Variants in EYS observed in about 807,000 individuals in gnomAD.
EYS encodes EGF-like photoreceptor maintenance factor.
EYS carries 250 observed loss-of-function variants against 282.1 expected under a neutral mutation model. The ratio of observed to expected loss-of-function variants is 0.89; its 90% CI spans 0.80 to 0.98. The LOEUF is 0.98. EYS is among the 50% of genes least tolerant of loss of function. EYS has a pLI of 0.00. For missense variants in EYS, 4,016 were observed against 3,709.0 expected (o/e 1.08, Z -2.15); for synonymous variants, 1,355 against 1,282.9 (o/e 1.06, Z -1.20).
chr6:63,729,225 C>T (rs1383511685), intron 41 of EYS, among the ~76,000 whole-genome samples: 1 of 152,094 alleles, frequency 6.6e-6, no homozygotes, highest in African/African-American at 2.4e-5. Flanking sequence ...TAGCAGTTCT[C>T]TATCAGATAT....
Position 65,369,286 on chromosome 6 carries a change from T to A in EYS, c.1299+15100A>T, listed in dbSNP as rs1211138212. ...GTGTGTATATATATATTTATATATA[T>A]TATATATATATTTATGTATAATATA... is the stretch of plus-strand genomic sequence containing the variant. On this transcript the variant is annotated intron_variant, in intron 8 of 42. Transcript: ENST00000503581. Among the ~76,000 whole-genome samples the A allele has an allele frequency of 2.9e-3, 395 of 134,396 alleles. 4 individuals carry two copies. Among genetic ancestry groups the A allele is most frequent in the African/African-American group, 9.2e-3 (354 of 38,302 alleles). The allele number at this position is 134,396 out of a possible 152,430, so 88.2% of individuals were successfully genotyped here. A position where few individuals can be genotyped will look rare whatever the true frequency, so the allele number is the denominator to read the frequency against.
intron 29 of EYS, among the ~76,000 whole-genome samples, chr6:64,383,768 A>T (rs1333321008): frequency 6.6e-6 from 1 of 152,194 alleles, no homozygotes; most frequent in Non-Finnish European, 1.5e-5. Flanking sequence ...TAATTTACAA[A>T]ACCCAAAAGT....
intron 13 of EYS, among the ~76,000 whole-genome samples, chr6:65,012,891 A>AAT (rs1354397987): frequency 6.6e-6 from 1 of 150,952 alleles, no homozygotes; most frequent in African/African-American, 2.4e-5. Context: ...AAAATCTATC[A>AAT]AGTGGCTACT....
At chr6:65,510,519 CTT>C (rs1359061597) in intron 2 of EYS, among the ~76,000 whole-genome samples, 1 of 152,012 alleles carries the variant, frequency 6.6e-6, no homozygotes, top group Non-Finnish European at 1.5e-5. Flanking sequence ...TTGATTCACA[CTT>C]TTGATTAATA....
At chr6:64,548,962 T>A (rs1335969209) in intron 26 of EYS, among the ~76,000 whole-genome samples, 3 of 152,174 alleles carry the variant, frequency 2.0e-5, no homozygotes, top group Admixed American at 6.5e-5. Context: ...AGGAACAGCG[T>A]CTACAGTGCT....
chr6:65,503,974 G>A (rs2127279782), intron 2 of EYS, among the ~76,000 whole-genome samples: 1 of 151,768 alleles, frequency 6.6e-6, no homozygotes, highest in South Asian at 2.1e-4. Context: ...TAACCAGGGT[G>A]CCAATTTTGG....
At chr6:64,220,828 T>C (rs1766078377) in intron 31 of EYS, among the ~76,000 whole-genome samples, 1 of 152,166 alleles carries the variant, frequency 6.6e-6, no homozygotes, top group Non-Finnish European at 1.5e-5. Context: ...TTCAAAAAGC[T>C]TGGATTCCAA....
intron 22 of EYS, among the ~76,000 whole-genome samples, chr6:64,653,695 G>T (rs2149880352): frequency 6.6e-6 from 1 of 150,376 alleles, no homozygotes; most frequent in African/African-American, 2.4e-5. Flanking sequence ...CTCCTGAGTA[G>T]CTGAAACCAC....
intron 30 of EYS, among the ~76,000 whole-genome samples, chr6:64,304,989 C>T (rs1022017653): frequency 1.2e-4 from 18 of 151,800 alleles, no homozygotes; most frequent in Non-Finnish European, 2.2e-4. Context: ...CAATCTAAAC[C>T]CAAAGTAGAG....
intron 35 of EYS, among the ~76,000 whole-genome samples, chr6:63,866,333 A>C (rs1395241627): frequency 6.6e-6 from 1 of 152,200 alleles, no homozygotes; most frequent in East Asian, 1.9e-4. Context: ...TTGAAAGGTC[A>C]GTATTAAGCA....
chr6:65,019,334 C>G (rs1165390347), intron 13 of EYS, among the ~76,000 whole-genome samples: 2 of 152,142 alleles, frequency 1.3e-5, no homozygotes, highest in Non-Finnish European at 2.9e-5. Flanking sequence ...AAATCCTTGT[C>G]CTGTTATTTT....
intron 15 of EYS, among the ~76,000 whole-genome samples, chr6:64,913,098 A>G (rs2150077164): frequency 6.6e-6 from 1 of 152,258 alleles, no homozygotes; most frequent in Non-Finnish European, 1.5e-5. Flanking sequence ...ATCACTATTT[A>G]TAAGCCTTAA....
At chr6:65,229,861 G>A (rs1182788776) in intron 12 of EYS, among the ~76,000 whole-genome samples, 1 of 151,932 alleles carries the variant, frequency 6.6e-6, no homozygotes, top group African/African-American at 2.4e-5. Context: ...TTATTGTGAG[G>A]TAATACAGTT....
chr6:65,602,226 A>G (rs1765639139), intron 2 of EYS, among the ~76,000 whole-genome samples: 1 of 151,922 alleles, frequency 6.6e-6, no homozygotes, highest in South Asian at 2.1e-4. Flanking sequence ...GATGTACACA[A>G]AAGTATGTCT....
chr6:65,620,123 G>C (rs1347035573), intron 2 of EYS, among the ~76,000 whole-genome samples: 1 of 152,164 alleles, frequency 6.6e-6, no homozygotes, highest in Non-Finnish European at 1.5e-5. Flanking sequence ...AGTTTCAGAA[G>C]GAATGGTACC....
chr6:64,643,533 A>G (rs1268413081), intron 22 of EYS, among the ~76,000 whole-genome samples: 1 of 152,164 alleles, frequency 6.6e-6, no homozygotes, highest in Non-Finnish European at 1.5e-5. Flanking sequence ...GAGTAGGTGT[A>G]GGGAAGTGTG....
intron 1 of EYS, among the ~76,000 whole-genome samples, chr6:65,647,080 C>T (rs996718889): frequency 6.6e-6 from 1 of 152,082 alleles, no homozygotes; most frequent in African/African-American, 2.4e-5. Context: ...ATGAAAATGA[C>T]CATACTGCCA....
intron 26 of EYS, among the ~76,000 whole-genome samples, chr6:64,457,789 T>A (rs1416736492): frequency 3.1e-5 from 4 of 128,048 alleles, no homozygotes; most frequent in Non-Finnish European, 6.5e-5. Flanking sequence ...TTGGGTCATT[T>A]TTTTTCCCCC....
intron 12 of EYS, among the ~76,000 whole-genome samples, chr6:65,169,219 T>C (rs1013016648): frequency 6.6e-6 from 1 of 151,444 alleles, no homozygotes; most frequent in Non-Finnish European, 1.5e-5. Flanking sequence ...AACTAGTTGA[T>C]TATCTTTCAT....
Sources: allele counts gnomAD v4.1 joint callset (sites outside exome capture counted in the v4.1 genomes callset), GRCh38; gene constraint gnomAD v4.1.1; transcripts MANE v1.5; gene names NCBI Gene and HGNC (gene_info 2026-07-23, HGNC 2026-07-21).